Variants in EEPD1 observed in about 807,000 individuals in gnomAD.
The protein encoded by EEPD1 is endonuclease/exonuclease/phosphatase family domain-containing protein 1.
A neutral mutation model predicts 46.3 loss-of-function variants in EEPD1; 17 were observed. The observed-to-expected ratio is 0.37, with a 90% confidence interval of 0.25 to 0.55. The LOEUF (loss-of-function observed/expected upper bound fraction) is 0.55, where lower values mean the gene tolerates loss of function less well. Ranked by LOEUF, EEPD1 falls within the 20% of genes least tolerant of loss-of-function variation. The pLI is 0.83. For synonymous variants in EEPD1, 313 were observed against 315.6 expected (o/e 0.99, Z 0.09); for missense variants, 673 against 745.6 (o/e 0.90, Z 1.13).
intron 2 of EEPD1, among the ~76,000 whole-genome samples, chr7:36,179,581 C>A (rs1191924331): frequency 2.0e-5 from 3 of 149,776 alleles, no homozygotes; most frequent in African/African-American, 7.4e-5. Context: ...AAAAAAGAGG[C>A]CAGGTGTGGT....
intron 2 of EEPD1, among the ~76,000 whole-genome samples, chr7:36,160,683 C>CGGG (rs78161290): frequency 3.2e-5 from 4 of 126,468 alleles, no homozygotes; most frequent in South Asian, 2.6e-4. Flanking sequence ...TGGTGGGGGG[C>CGGG]GGGGCGTGCA....
At chr7:36,179,980 G>A (rs192573253) in intron 2 of EEPD1, among the ~76,000 whole-genome samples, 29 of 152,290 alleles carry the variant, frequency 1.9e-4, no homozygotes, top group African/African-American at 6.0e-4. Context: ...GAGTGGGGCC[G>A]GGGTGGGTGT....
chr7:36,255,740 T>C (rs1437775325), intron 3 of EEPD1, among the ~76,000 whole-genome samples: 2 of 152,178 alleles, frequency 1.3e-5, no homozygotes, highest in Non-Finnish European at 2.9e-5. Flanking sequence ...GTCTGGCTAG[T>C]GGTCTATCTA....
At chr7:36,292,366 TTTC>T (rs199903649) in intron 6 of EEPD1, among the ~76,000 whole-genome samples, 10,300 of 150,096 alleles carry the variant, frequency 0.069, 485 homozygotes, top group Non-Finnish European at 0.1. Flanking sequence ...TTTCTTTTCT[TTTC>T]TTTTGTTTTG....
At chr7:36,177,587 G>A (rs1307805608) in intron 2 of EEPD1, among the ~76,000 whole-genome samples, 1 of 152,174 alleles carries the variant, frequency 6.6e-6, no homozygotes, top group Non-Finnish European at 1.5e-5. Flanking sequence ...TTGCTGCAAA[G>A]GACATGATTT....
At chr7:36,295,714 C>T (rs1219330769) in intron 6 of EEPD1, among the ~76,000 whole-genome samples, 1 of 152,144 alleles carries the variant, frequency 6.6e-6, no homozygotes, top group Non-Finnish European at 1.5e-5. Flanking sequence ...CATAGTTTTT[C>T]ATGAGGACTC....
At chr7:36,198,163 A>T (rs562853993) in intron 2 of EEPD1, among the ~76,000 whole-genome samples, 2 of 152,036 alleles carry the variant, frequency 1.3e-5, no homozygotes, top group Non-Finnish European at 2.9e-5. Context: ...TAAACATCTG[A>T]TAATGAGAAT....
chr7:36,268,392 C>A (rs1452320022), intron 3 of EEPD1, among the ~76,000 whole-genome samples: 1 of 152,138 alleles, frequency 6.6e-6, no homozygotes, highest in Non-Finnish European at 1.5e-5. Context: ...AACTCCTGAC[C>A]TCATGATCCA....
chr7:36,252,829 C>CTTTTTTTTTTTT (rs71553053), intron 3 of EEPD1, among the ~76,000 whole-genome samples: 1 of 54,896 alleles, frequency 1.8e-5, no homozygotes, highest in Non-Finnish European at 3.1e-5. Flanking sequence ...GTGTTCTCTC[C>CTTTTTTTTTTTT]TTTTTTTTTT....
At chr7:36,159,794 A>G (rs1359992473) in intron 2 of EEPD1, among the ~76,000 whole-genome samples, 8 of 152,198 alleles carry the variant, frequency 5.3e-5, no homozygotes, top group Admixed American at 5.2e-4. Context: ...AGGTAGAGCC[A>G]ATCCAAAAGG....
At position 36,154,857 on chromosome 7, in the gene EEPD1, T is replaced by A. The variant is rs747449775; in HGVS notation, c.533T>A (p.Val178Glu). ...CCCTTTCGCAGCGTTGAGGACCTAGTGAGGATGGATGGTATCAATGCCGCC... is the reference window on the plus strand; with the variant it reads ...CCCTTTCGCAGCGTTGAGGACCTAGAGAGGATGGATGGTATCAATGCCGCC... Reference protein sequence around the residue: ...HGPFRSVEDLVRMDGINAAFL... With the variant: ...HGPFRSVEDLERMDGINAAFL... Residue 178 changes from valine to glutamate, a missense_variant, in exon 2 of 8, where the codon GTG becomes GAG. By Grantham distance (121) the Val-to-Glu change is moderately radical (BLOSUM62 -2). Coordinates refer to ENST00000242108, the MANE Select transcript of EEPD1 (RefSeq NM_030636.3). This position sits in a 1 kb window ranked among gnomAD's most constrained non-coding sequence, Gnocchi z 4.2. 1.2e-6 allele frequency: 2 copies of A among 1,613,964 alleles called. No homozygotes were observed. The highest frequency in any genetic ancestry group is 1.7e-6 in the Non-Finnish European group (2 of 1,180,000).
intron 2 of EEPD1, among the ~76,000 whole-genome samples, chr7:36,237,083 A>G (rs1370160316): frequency 2.0e-5 from 3 of 152,216 alleles, no homozygotes; most frequent in Non-Finnish European, 4.4e-5. Context: ...CCAACCCACC[A>G]GGAGGAACGA....
chr7:36,234,868 T>G (rs1786401863), intron 2 of EEPD1, among the ~76,000 whole-genome samples: 1 of 151,810 alleles, frequency 6.6e-6, no homozygotes, highest in Non-Finnish European at 1.5e-5. Context: ...CCCTTGGAGC[T>G]CTCATGCTTT....
At chr7:36,181,267 G>C (rs1216691815) in intron 2 of EEPD1, among the ~76,000 whole-genome samples, 5 of 151,910 alleles carry the variant, frequency 3.3e-5, no homozygotes. Flanking sequence ...CCCCTCACGT[G>C]CCTCTGTTCC....
intron 3 of EEPD1, among the ~76,000 whole-genome samples, chr7:36,260,606 A>C (rs79993574): frequency 1.4e-3 from 216 of 152,384 alleles, no homozygotes; most frequent in African/African-American, 5.0e-3. Flanking sequence ...CATTATTTGC[A>C]TAAAGTCCAA....
intron 2 of EEPD1, among the ~76,000 whole-genome samples, chr7:36,157,163 A>G (rs532957448): frequency 6.6e-6 from 1 of 152,306 alleles, no homozygotes; most frequent in African/African-American, 2.4e-5. Flanking sequence ...GCCATTTTAT[A>G]TCAGGGACTT....
At chr7:36,157,651 G>A (rs780843227) in intron 2 of EEPD1, among the ~76,000 whole-genome samples, 8 of 152,220 alleles carry the variant, frequency 5.3e-5, no homozygotes, top group Non-Finnish European at 1.2e-4. Flanking sequence ...CAAATGTGTT[G>A]GAGGTTGATG....
At chr7:36,245,066 C>T (rs1299712441) in intron 3 of EEPD1, among the ~76,000 whole-genome samples, 1 of 152,066 alleles carries the variant, frequency 6.6e-6, no homozygotes, top group African/African-American at 2.4e-5. Flanking sequence ...CTGCCTCAGC[C>T]TCCTGAGTAG....
At chr7:36,156,105 G>C (rs775699739) in intron 2 of EEPD1, among the ~76,000 whole-genome samples, 4 of 152,162 alleles carry the variant, frequency 2.6e-5, no homozygotes, top group African/African-American at 4.8e-5. Context: ...GTTTTGCCCT[G>C]CCACCCACCA....
Sources: gnomAD v4.1 joint callset for allele counts (sites outside exome capture counted in the v4.1 genomes callset) on GRCh38, gnomAD v4.1.1 for gene constraint, Gnocchi (gnomAD v3.1) non-coding constraint, MANE v1.5 for transcripts, NCBI Gene and HGNC (gene_info 2026-07-23, HGNC 2026-07-21) for gene names.